CMTM3: variants seen among roughly 807,000 people sequenced by gnomAD.
CMTM3 encodes CKLF like MARVEL transmembrane domain containing 3.
A neutral mutation model predicts 18.2 loss-of-function variants in CMTM3; 7 were observed. The ratio of observed to expected loss-of-function variants is 0.38; its 90% confidence interval spans 0.22 to 0.72. The LOEUF (loss-of-function observed/expected upper bound fraction) is 0.72. Ranked by LOEUF, CMTM3 falls within the 30% of genes least tolerant of loss-of-function variation. The probability of loss-of-function intolerance (pLI) is 0.46; values close to 1 mark genes in which losing one functional copy is unlikely to be tolerated. For synonymous variants in CMTM3, 109 were observed against 111.2 expected, an observed-to-expected ratio of 0.98 and a Z score of 0.12; for missense variants, 227 against 249.2, an observed-to-expected ratio of 0.91 and a Z score of 0.60.
At position 66,612,825 on chromosome 16, in the gene CMTM3, C is replaced by T; in HGVS notation, c.*188C>T. The T allele has an allele frequency of 1.6e-6, 1 of 624,454 alleles. No homozygotes were observed. Among genetic ancestry groups the T allele is most frequent in the South Asian group, 1.9e-5 (1 of 51,932 alleles). 38.7% of individuals were successfully genotyped at this position (624,454 alleles called of 1,614,324 possible). On this transcript the variant is annotated 3_prime_UTR_variant, in exon 5 of 5. Transcript: ENST00000567572. This position sits in a 1 kb window ranked among gnomAD's most constrained non-coding sequence, Gnocchi z 6.0. ...ACCAGGCTTGCCCCTCAGCTCAGCA[C>T]TGTTGACCACGCTGCGTATGAGGGC...
At position 66,609,315 on chromosome 16, in the gene CMTM3, A is replaced by G; in HGVS notation, c.304-120A>G. 1 of 810,402 alleles carries G rather than the reference A, an allele frequency of 1.2e-6. No homozygotes were observed. Among genetic ancestry groups the G allele is most frequent in the Admixed American group, 2.4e-5 (1 of 42,144 alleles). 50.2% of individuals were successfully genotyped at this position (810,402 alleles called of 1,614,324 possible). A position where few individuals can be genotyped will look rare whatever the true frequency, so the allele number is the denominator to read the frequency against. On this transcript the variant is annotated intron_variant, in intron 2 of 4. Coordinates refer to ENST00000567572, the MANE Select transcript of CMTM3 (RefSeq NM_181553.4). The surrounding 1 kb of genome is among the most constrained non-coding windows in gnomAD (Gnocchi z 4.4). The stretch of plus-strand genomic sequence containing the variant: ...GCCTAGGCATGTGGGTGGGGCCAGG[A>G]TGGGATAGGAGCCCTCAGGTGCTAG...
Position 66,605,304 on chromosome 16 carries a change from T to G in CMTM3, c.147+352T>G. The G allele has an allele frequency of 1.1e-5, 2 of 187,312 alleles. No individual in the cohort carries two copies. Among genetic ancestry groups the G allele is most frequent in the Non-Finnish European group, 1.1e-5 (1 of 91,282 alleles). 11.6% of individuals were successfully genotyped at this position (187,312 alleles called of 1,614,324 possible). ...CTCGGGCAACTCGGACCTCCGGGACTCCCGGGCCGCAGCGGGGTCCGCTTT... is the reference window on the plus strand; with the variant it reads ...CTCGGGCAACTCGGACCTCCGGGACGCCCGGGCCGCAGCGGGGTCCGCTTT... On this transcript the variant is annotated intron_variant, in intron 1 of 4. Transcript: ENST00000567572. This position sits in a 1 kb window ranked among gnomAD's most constrained non-coding sequence, Gnocchi z 4.6.
At chr16:66,604,517 G>C (rs544722776), upstream of CMTM3, 13 of 260,326 alleles carry the variant, frequency 5.0e-5, no homozygotes, top group South Asian at 2.1e-3. Flanking sequence ...GGCGGTGATC[G>C]GGAGGTCTCC....
At position 66,608,495 on chromosome 16, in the gene CMTM3, G is replaced by C. The variant is rs1231134750; in HGVS notation, c.303+31G>C. ...GACAGGGGCCCCAGGAGGGAGGGGT[G>C]CCCTGCACAAAGTGGCCAGATGAGG... On this transcript the variant is annotated intron_variant, in intron 2 of 4. Transcript: ENST00000567572. The surrounding 1 kb of genome is among the most constrained non-coding windows in gnomAD (Gnocchi z 5.1). The C allele has an allele frequency of 6.2e-7, 1 of 1,610,210 alleles. No homozygotes were observed. The highest frequency in any genetic ancestry group is 8.5e-7 in the Non-Finnish European group (1 of 1,179,196).
At position 66,605,101 on chromosome 16, in the gene CMTM3, T is replaced by C; in HGVS notation, c.147+149T>C. ...CCTCGGCCGACTTCTCTCGGGCGCCTGGCGAAGTTGGGTCGAGGTCCCCAA... is the reference window on the plus strand; with the variant it reads ...CCTCGGCCGACTTCTCTCGGGCGCCCGGCGAAGTTGGGTCGAGGTCCCCAA... On this transcript the variant is annotated intron_variant, in intron 1 of 4. Transcript: ENST00000567572. This position sits in a 1 kb window ranked among gnomAD's most constrained non-coding sequence, Gnocchi z 4.6. 1 of 768,096 alleles carries C rather than the reference T, an allele frequency of 1.3e-6. No individual in the cohort carries two copies. The allele number at this position is 768,096 out of a possible 1,614,324, so 47.6% of individuals were successfully genotyped here.
Position 66,605,099 on chromosome 16 carries a change from C to T in CMTM3, c.147+147C>T, listed in dbSNP as rs969975135. 10 of 816,282 alleles carry T rather than the reference C, an allele frequency of 1.2e-5. No homozygotes were observed. The highest frequency in any genetic ancestry group is 1.2e-5 in the Non-Finnish European group (7 of 590,902). The allele number at this position is 816,282 out of a possible 1,614,324, so 50.6% of individuals were successfully genotyped here. The stretch of plus-strand genomic sequence containing the variant: ...CGCCTCGGCCGACTTCTCTCGGGCG[C>T]CTGGCGAAGTTGGGTCGAGGTCCCC... On this transcript the variant is annotated intron_variant, in intron 1 of 4. Transcript: ENST00000567572. The surrounding 1 kb of genome is among the most constrained non-coding windows in gnomAD (Gnocchi z 4.6).
At position 66,605,036 on chromosome 16, in the gene CMTM3, G is replaced by A. The variant is rs1392623894; in HGVS notation, c.147+84G>A. ...GGACGTCGGGGCGCGGGTGGGGTCC[G>A]GGGGCGGCCGCCGTGCTCCGATACC... On this transcript the variant is annotated intron_variant, in intron 1 of 4. Coordinates refer to ENST00000567572, the MANE Select transcript of CMTM3 (RefSeq NM_181553.4). The surrounding 1 kb of genome is among the most constrained non-coding windows in gnomAD (Gnocchi z 4.6). The A allele has an allele frequency of 8.1e-7, 1 of 1,229,784 alleles. No homozygotes were observed. Among genetic ancestry groups the A allele is most frequent in the South Asian group, 1.9e-5 (1 of 51,808 alleles). 76.2% of individuals were successfully genotyped at this position (1,229,784 alleles called of 1,614,324 possible).
rs997526578 is a variant in CMTM3 at position 66,605,025 on chromosome 16, G to C, written c.147+73G>C. The C allele has an allele frequency of 1.5e-6, 2 of 1,312,328 alleles. No homozygotes were observed. Among genetic ancestry groups the C allele is most frequent in the South Asian group, 3.5e-5 (2 of 56,816 alleles). The allele number at this position is 1,312,328 out of a possible 1,614,324, so 81.3% of individuals were successfully genotyped here. On this transcript the variant is annotated intron_variant, in intron 1 of 4. Coordinates refer to ENST00000567572, the MANE Select transcript of CMTM3 (RefSeq NM_181553.4). The surrounding 1 kb of genome is among the most constrained non-coding windows in gnomAD (Gnocchi z 4.6). ...CTTTCGGAGGAGGACGTCGGGGCGC[G>C]GGTGGGGTCCGGGGGCGGCCGCCGT...
rs2015131214 is a variant in CMTM3, at chr16:66,605,870, C to T, written c.147+918C>T. Among the ~76,000 whole-genome samples the T allele has an allele frequency of 6.6e-6, 1 of 152,118 alleles. No homozygotes were observed. The highest frequency in any genetic ancestry group is 1.5e-5 in the Non-Finnish European group (1 of 68,010). ...AGAGGGCAGAAGGTGGTCCTGCAGC[C>T]TCTCCCACGGTCAGCCCAGAGGCCA... is the stretch of plus-strand genomic sequence containing the variant. On this transcript the variant is annotated intron_variant, in intron 1 of 4. Transcript: ENST00000567572. This position sits in a 1 kb window ranked among gnomAD's most constrained non-coding sequence, Gnocchi z 4.6.
intron 4 of CMTM3, among the ~76,000 whole-genome samples, chr16:66,611,964 G>C (rs1043216816): frequency 6.6e-6 from 1 of 152,036 alleles, no homozygotes; most frequent in Non-Finnish European, 1.5e-5. Context: ...TGGGGGTGGG[G>C]GTAGAGCTGG....
In CMTM3 at chr16:66,610,690, T is replaced by C. The variant is rs2015343868; in HGVS notation, c.520+687T>C. 6.6e-6 allele frequency among the ~76,000 whole-genome samples: 1 copy of C among 151,984 alleles called. No homozygotes were observed. Among genetic ancestry groups the C allele is most frequent in the African/African-American group, 2.4e-5 (1 of 41,360 alleles). ...AGGCGCTTCTGCCTGGGGAGATGCTTCTCTGGACCAGGCGGATGTGCCCCT... is the reference window on the plus strand; with the variant it reads ...AGGCGCTTCTGCCTGGGGAGATGCTCCTCTGGACCAGGCGGATGTGCCCCT... On this transcript the variant is annotated intron_variant, in intron 4 of 4. Coordinates refer to ENST00000567572, the MANE Select transcript of CMTM3 (RefSeq NM_181553.4). The surrounding 1 kb of genome is among the most constrained non-coding windows in gnomAD (Gnocchi z 4.6).
chr16:66,609,777 C>T lies in CMTM3; in HGVS notation c.400-106C>T, dbSNP rs769993909. 15 of 1,607,588 alleles carry T rather than the reference C, an allele frequency of 9.3e-6. No homozygotes were observed. The highest frequency in any genetic ancestry group is 5.1e-5 in the Admixed American group (3 of 58,450). On this transcript the variant is annotated intron_variant, in intron 3 of 4. Coordinates refer to ENST00000567572, the MANE Select transcript of CMTM3 (RefSeq NM_181553.4). The surrounding 1 kb of genome is among the most constrained non-coding windows in gnomAD (Gnocchi z 4.4). ...CTCACAGGGGTCTGTGCCTGACACT[C>T]GGGCTGTTTGTCCAAGCAGATCTGA... is the stretch of plus-strand genomic sequence containing the variant.
In CMTM3 at chr16:66,612,289, C is replaced by G. The variant is rs994745708; in HGVS notation, c.521-320C>G. Among the ~76,000 whole-genome samples, 2 of 152,048 alleles carry G rather than the reference C, an allele frequency of 1.3e-5. No homozygotes were observed. The highest frequency in any genetic ancestry group is 6.6e-5 in the Admixed American group (1 of 15,262). ...GGTGTGGTGGCACACGCTTATAATC[C>G]CAGCTACTCGGGAGGGAGGAAGTTG... On this transcript the variant is annotated intron_variant, in intron 4 of 4. Transcript: ENST00000567572. The surrounding 1 kb of genome is among the most constrained non-coding windows in gnomAD (Gnocchi z 6.0).
At chr16:66,607,161 G>A (rs60743414) in intron 1 of CMTM3, among the ~76,000 whole-genome samples, 7,503 of 152,300 alleles carry the variant, frequency 0.049, 336 homozygotes, top group East Asian at 0.15. Flanking sequence ...CAGGGTACCA[G>A]GCACTGTGGA....
At position 66,609,684 on chromosome 16, in the gene CMTM3, A is replaced by G; in HGVS notation, c.399+154A>G. ...TCCAAAGTCCTCTCATTAAAGACTG[A>G]CTCTACCCGGGGTTTTGAAAGGCTG... On this transcript the variant is annotated intron_variant, in intron 3 of 4. Transcript: ENST00000567572. This position sits in a 1 kb window ranked among gnomAD's most constrained non-coding sequence, Gnocchi z 4.4. 2.6e-6 allele frequency: 4 copies of G among 1,539,920 alleles called. No individual in the cohort carries two copies. In the South Asian group the frequency reaches 4.7e-5, roughly 18 times the overall value.
At chr16:66,607,170 G>A (rs1441940855) in intron 1 of CMTM3, among the ~76,000 whole-genome samples, 1 of 152,220 alleles carries the variant, frequency 6.6e-6, no homozygotes, top group East Asian at 1.9e-4. Flanking sequence ...AGGCACTGTG[G>A]AGCCCCAGGC....
Position 66,605,047 on chromosome 16 carries a change from C to A in CMTM3, c.147+95C>A. 1 of 1,174,014 alleles carries A rather than the reference C, an allele frequency of 8.5e-7. No homozygotes were observed. Among genetic ancestry groups the A allele is most frequent in the Non-Finnish European group, 1.1e-6 (1 of 905,508 alleles). 72.7% of individuals were successfully genotyped at this position (1,174,014 alleles called of 1,614,324 possible). A position where few individuals can be genotyped will look rare whatever the true frequency, so the allele number is the denominator to read the frequency against. ...CGCGGGTGGGGTCCGGGGGCGGCCGCCGTGCTCCGATACCCCCTCTCCGCG... is the reference window on the plus strand; with the variant it reads ...CGCGGGTGGGGTCCGGGGGCGGCCGACGTGCTCCGATACCCCCTCTCCGCG... On this transcript the variant is annotated intron_variant, in intron 1 of 4. Coordinates refer to ENST00000567572, the MANE Select transcript of CMTM3 (RefSeq NM_181553.4). This position sits in a 1 kb window ranked among gnomAD's most constrained non-coding sequence, Gnocchi z 4.6.
chr16:66,609,969 C>T lies in CMTM3; in HGVS notation c.486C>T (p.Asp162=). The T allele has an allele frequency of 1.2e-6, 2 of 1,614,222 alleles. No individual in the cohort carries two copies. Among genetic ancestry groups the T allele is most frequent in the Non-Finnish European group, 1.7e-6 (2 of 1,180,042 alleles). ...NDVAKFLKQG[D]SADETTAHKT... ...TGGCCAAATTCCTCAAACAAGGGGACTCTGCAGATGAGACCACAGCCCACA... is the reference window on the plus strand; with the variant it reads ...TGGCCAAATTCCTCAAACAAGGGGATTCTGCAGATGAGACCACAGCCCACA... The change falls in exon 4 of 5, where the codon GAC becomes GAT. Residue 162 remains aspartate, a synonymous_variant. Transcript: ENST00000567572. The surrounding 1 kb of genome is among the most constrained non-coding windows in gnomAD (Gnocchi z 4.4).
rs2015354081 is a variant in CMTM3 at position 66,610,943 on chromosome 16, A to G, written c.520+940A>G. The G allele has an allele frequency of 2.5e-6, 1 of 398,440 alleles. No homozygotes were observed. The highest frequency in any genetic ancestry group is 1.3e-4 in the South Asian group (1 of 7,856). 24.7% of individuals were successfully genotyped at this position (398,440 alleles called of 1,614,324 possible). A position where few individuals can be genotyped will look rare whatever the true frequency, so the allele number is the denominator to read the frequency against. On this transcript the variant is annotated intron_variant, in intron 4 of 4. Coordinates refer to ENST00000567572, the MANE Select transcript of CMTM3 (RefSeq NM_181553.4). The surrounding 1 kb of genome is among the most constrained non-coding windows in gnomAD (Gnocchi z 4.6). ...CATCCCATCCCGTCCCTTGGCAAATATTAGGTTAGAGCTCCCAGGCGGTTT... is the reference window on the plus strand; with the variant it reads ...CATCCCATCCCGTCCCTTGGCAAATGTTAGGTTAGAGCTCCCAGGCGGTTT...
Sources: gnomAD v4.1 joint callset for allele counts (sites outside exome capture counted in the v4.1 genomes callset) on GRCh38, gnomAD v4.1.1 for gene constraint, Gnocchi (gnomAD v3.1) non-coding constraint, MANE v1.5 for transcripts, NCBI Gene and HGNC (gene_info 2026-07-23, HGNC 2026-07-21) for gene names.